UBA2: variants seen among roughly 807,000 people sequenced by gnomAD.
UBA2 encodes ubiquitin like modifier activating enzyme 2.
UBA2 carries 11 observed loss-of-function variants against 77.2 expected under a neutral mutation model. The observed-to-expected ratio is 0.14, with a 90% CI of 0.09 to 0.24. The LOEUF (loss-of-function observed/expected upper bound fraction) is 0.24, where lower values mean the gene tolerates loss of function less well. UBA2 is among the 10% of genes least tolerant of loss of function. UBA2 has a pLI of 1.00. For synonymous variants in UBA2, 278 were observed against 276.7 expected, an observed-to-expected ratio of 1.00 and a Z score of -0.05; for missense variants, 487 against 781.7, an observed-to-expected ratio of 0.62 and a Z score of 4.50.
chr19:34,451,794 C>T (rs2075501813), intron 9 of UBA2, among the ~76,000 whole-genome samples, 187 bp from the exon 10 acceptor site: 2 of 151,984 alleles, frequency 1.3e-5, no homozygotes, highest in Admixed American at 1.3e-4. Flanking sequence ...GATCCGTCTG[C>T]CTCGGCCTCC....
At chr19:34,447,661 G>A (rs2075446649) in intron 8 of UBA2, among the ~76,000 whole-genome samples, 1 of 152,192 alleles carries the variant, frequency 6.6e-6, no homozygotes, top group Non-Finnish European at 1.5e-5. Flanking sequence ...GCTCTTTAGA[G>A]GGAGTTCACA....
At chr19:34,462,747 C>T (rs1425432665) in intron 14 of UBA2, among the ~76,000 whole-genome samples, 1 of 152,152 alleles carries the variant, frequency 6.6e-6, no homozygotes, top group African/African-American at 2.4e-5. Context: ...GGGCAGATCA[C>T]TTGAGGCCAG....
At chr19:34,435,914 A>G (rs928282605) in intron 5 of UBA2, among the ~76,000 whole-genome samples, 7 of 151,792 alleles carry the variant, frequency 4.6e-5, no homozygotes, top group African/African-American at 7.3e-5. Flanking sequence ...TGAGGTCAGG[A>G]TTTTGAGACC....
chr19:34,449,820 G>A (rs1298225392), intron 8 of UBA2, among the ~76,000 whole-genome samples: 2 of 152,158 alleles, frequency 1.3e-5, no homozygotes, highest in African/African-American at 4.8e-5. Flanking sequence ...TTAAAAATCT[G>A]TATACTTTGT....
At chr19:34,457,515 A>G (rs1381777106) in intron 12 of UBA2, among the ~76,000 whole-genome samples, 1 of 152,122 alleles carries the variant, frequency 6.6e-6, no homozygotes, top group Non-Finnish European at 1.5e-5. Context: ...CTTCCCGGTG[A>G]AGCCCAAAAT....
At chr19:34,464,873 G>T (rs2075671009) in intron 15 of UBA2, among the ~76,000 whole-genome samples, 1 of 152,140 alleles carries the variant, frequency 6.6e-6, no homozygotes, top group Non-Finnish European at 1.5e-5. Context: ...ATTTTGGGAG[G>T]TCGAGGCGGG....
At chr19:34,441,238 G>A (rs1457102743) in intron 6 of UBA2, among the ~76,000 whole-genome samples, 2 of 151,944 alleles carry the variant, frequency 1.3e-5, no homozygotes, top group Non-Finnish European at 2.9e-5. Flanking sequence ...AGCGGATCAC[G>A]AGGTCAGGAG....
At chr19:34,433,149 G>A (rs35829146) in intron 3 of UBA2, 199 bp from the exon 4 acceptor site, 424 of 502,400 alleles carry the variant, frequency 8.4e-4, no homozygotes, top group Admixed American at 1.7e-3. Flanking sequence ...GGCCAAAAAG[G>A]ATAGGAATTT....
chr19:34,467,187 G>A, intron 16 of UBA2, 173 bp downstream of exon 16: 1 of 806,534 alleles, frequency 1.2e-6, no homozygotes, highest in East Asian at 2.8e-5. Flanking sequence ...GACATTTAAG[G>A]CTGGGTGTGG....
At chr19:34,441,963 A>G (rs903029856) in intron 6 of UBA2, among the ~76,000 whole-genome samples, 3 of 151,494 alleles carry the variant, frequency 2.0e-5, no homozygotes, top group African/African-American at 7.3e-5. Flanking sequence ...GGCCAGGTGC[A>G]GTGACACACA....
At chr19:34,460,784 C>T (rs2075622504) in intron 14 of UBA2, among the ~76,000 whole-genome samples, 1 of 152,132 alleles carries the variant, frequency 6.6e-6, no homozygotes, top group Non-Finnish European at 1.5e-5. Flanking sequence ...GTGCTCTTGT[C>T]CACTTCCAAG....
At chr19:34,464,198 GA>G (rs2075663147) in intron 15 of UBA2, 67 bp downstream of exon 15, 1 of 1,129,400 alleles carries the variant, frequency 8.9e-7, no homozygotes, top group Non-Finnish European at 1.3e-6. Flanking sequence ...CAAAATGAAG[GA>G]AAAGTGTTTT....
chr19:34,452,714 A>G (rs2075515049), intron 10 of UBA2, among the ~76,000 whole-genome samples: 1 of 152,192 alleles, frequency 6.6e-6, no homozygotes, highest in Admixed American at 6.5e-5. Context: ...TTCTATGGCT[A>G]AAAGTGTTTT....
chr19:34,461,618 C>A (rs1381321092), intron 14 of UBA2, among the ~76,000 whole-genome samples: 1 of 152,162 alleles, frequency 6.6e-6, no homozygotes, highest in South Asian at 2.1e-4. Flanking sequence ...TCAGCGTGAC[C>A]CTTCTGTACG....
Position 34,445,048 on chromosome 19 carries a change from G to A in UBA2, c.698G>A (p.Gly233Asp). The A allele has an allele frequency of 6.2e-7, 1 of 1,613,892 alleles. No homozygotes were observed. The highest frequency in any genetic ancestry group is 1.3e-5 in the African/African-American group (1 of 75,040). The change falls in exon 8 of 17, where the codon GGT becomes GAT. Residue 233 changes from glycine to aspartate, a missense_variant. Around this residue, in one of 9 missense-constraint regions of UBA2, gnomAD observed 300 missense variants for 454.3 expected, o/e 0.66. Coordinates refer to ENST00000246548, the MANE Select transcript of UBA2 (RefSeq NM_005499.3). The stretch of plus-strand genomic sequence containing the variant: ...AGAGCTAGAGCATCTAATGAAGATG[G>A]TGACATTAAACGTATTTCTACTAAG... Reference protein sequence around the residue: ...EARARASNEDGDIKRISTKEW... With the variant: ...EARARASNEDDDIKRISTKEW...
At chr19:34,431,251 T>TTC (rs1400006592) in intron 2 of UBA2, among the ~76,000 whole-genome samples, 1 of 133,596 alleles carries the variant, frequency 7.5e-6, no homozygotes, top group Non-Finnish European at 1.6e-5. Context: ...TTTCTTTTTT[T>TTC]TTTTTTTTTT....
intron 12 of UBA2, among the ~76,000 whole-genome samples, chr19:34,456,914 G>C (rs1346487334): frequency 6.6e-6 from 1 of 151,754 alleles, no homozygotes; most frequent in African/African-American, 2.4e-5. Flanking sequence ...TGAAGCTGTA[G>C]TATCCCTTTG....
rs773116538 is a variant in UBA2, at chr19:34,428,457, C to A, written c.25C>A (p.Arg9=). 5.5e-6 allele frequency: 7 copies of A among 1,283,014 alleles called. No individual in the cohort carries two copies. Among genetic ancestry groups the A allele is most frequent in the Non-Finnish European group, 4.0e-6 (4 of 1,010,640 alleles). The allele number at this position is 1,283,014 out of a possible 1,614,324, so 79.5% of individuals were successfully genotyped here. A position where few individuals can be genotyped will look rare whatever the true frequency, so the allele number is the denominator to read the frequency against. The stretch of plus-strand genomic sequence containing the variant: ...CATGGCACTGTCGCGGGGGCTGCCC[C>A]GGGAGCTGGCTGAGGCGGTGGCCGG... MALSRGLP[R]ELAEAVAGGR... is the part of the protein sequence containing the mutation. The change falls in exon 1 of 17, where the codon CGG becomes AGG. Residue 9 remains arginine (R), a synonymous_variant. Transcript: ENST00000246548.
chr19:34,458,206 A>G (rs2075589650), intron 12 of UBA2, among the ~76,000 whole-genome samples: 1 of 152,132 alleles, frequency 6.6e-6, no homozygotes, highest in African/African-American at 2.4e-5. Context: ...GTCTTATATA[A>G]TACAAGGAGA....
Sources: gnomAD v4.1 joint callset for allele counts (sites outside exome capture counted in the v4.1 genomes callset) on GRCh38, gnomAD v4.1.1 for gene constraint, gnomAD v4.1.1 regional missense constraint, MANE v1.5 for transcripts, NCBI Gene and HGNC (gene_info 2026-07-23, HGNC 2026-07-21) for gene names.